The following ZC3HAV1 variants were observed in gnomAD, a reference collection of about 807,000 sequenced individuals.
ZC3HAV1 encodes zinc finger CCCH-type containing, antiviral 1.
In ZC3HAV1, 41 loss-of-function variants were observed where a neutral mutation model predicts 86.6. The observed-to-expected ratio is 0.47, with a 90% CI of 0.37 to 0.61. The LOEUF (loss-of-function observed/expected upper bound fraction) is 0.61. Ranked by LOEUF, ZC3HAV1 falls within the 20% of genes least tolerant of loss-of-function variation. The probability of loss-of-function intolerance (pLI) is 0.00; values close to 1 mark genes in which losing one functional copy is unlikely to be tolerated. For synonymous variants in ZC3HAV1, 421 were observed against 432.1 expected (o/e 0.97, Z 0.32); for missense variants, 964 against 1,141.1 (o/e 0.84, Z 2.24).
chr7:139,109,473 G>T lies in ZC3HAV1; in HGVS notation c.-142C>A. On this transcript the variant is annotated 5_prime_UTR_variant, in exon 1 of 13. Coordinates refer to ENST00000242351, the MANE Select transcript of ZC3HAV1 (RefSeq NM_020119.4). ...CGGAGTCAGCGAGGGCGCGCTCTCC[G>T]TCGCCGTTAGCCCAGCCCAGCGATC... 1.9e-6 allele frequency: 2 copies of T among 1,055,556 alleles called. No individual in the cohort carries two copies. The highest frequency in any genetic ancestry group is 2.6e-6 in the Non-Finnish European group (2 of 758,104). 65.4% of individuals were successfully genotyped at this position (1,055,556 alleles called of 1,614,324 possible).
At chr7:139,069,091 G>A (rs1816694823) in intron 7 of ZC3HAV1, among the ~76,000 whole-genome samples, 1 of 152,168 alleles carries the variant, frequency 6.6e-6, no homozygotes, top group Non-Finnish European at 1.5e-5. Flanking sequence ...TCATATCTGT[G>A]CTGAGCTGGC....
intron 1 of ZC3HAV1, among the ~76,000 whole-genome samples, chr7:139,097,428 A>ATATATATATATATTTTTTTTTTTTTTT: frequency 2.1e-5 from 1 of 48,158 alleles, no homozygotes; most frequent in African/African-American, 1.1e-4. Context: ...ATATATATAT[A>ATATATATATATATTTTTTTTTTTTTTT]TTTTTTTTTT....
At chr7:139,107,314 T>A (rs1254514030) in intron 1 of ZC3HAV1, among the ~76,000 whole-genome samples, 1 of 152,154 alleles carries the variant, frequency 6.6e-6, no homozygotes, top group South Asian at 2.1e-4. Flanking sequence ...TTAAAGAAAA[T>A]TTTAAATAAA....
At chr7:139,072,988 C>T (rs1193187638) in intron 7 of ZC3HAV1, among the ~76,000 whole-genome samples, 1 of 152,082 alleles carries the variant, frequency 6.6e-6, no homozygotes, top group Non-Finnish European at 1.5e-5. Flanking sequence ...ATGTCTCAAG[C>T]GGTTCCTTAA....
chr7:139,098,537 C>G (rs572136000), intron 1 of ZC3HAV1, among the ~76,000 whole-genome samples: 1 of 152,238 alleles, frequency 6.6e-6, no homozygotes, highest in East Asian at 1.9e-4. Flanking sequence ...AGTGGTGGTA[C>G]ACATCTGTAA....
chr7:139,098,267 T>C (rs1449162149), intron 1 of ZC3HAV1, among the ~76,000 whole-genome samples: 2 of 152,202 alleles, frequency 1.3e-5, no homozygotes, highest in Non-Finnish European at 2.9e-5. Flanking sequence ...GTACATTTTA[T>C]TGTATGTAAA....
intron 7 of ZC3HAV1, among the ~76,000 whole-genome samples, chr7:139,071,843 T>A (rs1042465402): frequency 3.3e-5 from 5 of 152,210 alleles, no homozygotes; most frequent in South Asian, 4.1e-4. Context: ...ATAAAATGTA[T>A]CTGCTGCTAA....
intron 9 of ZC3HAV1, among the ~76,000 whole-genome samples, chr7:139,056,795 C>A (rs540074251): frequency 3.3e-5 from 5 of 152,230 alleles, no homozygotes; most frequent in African/African-American, 9.6e-5. Flanking sequence ...CACAAATCAA[C>A]CAAACACAAT....
chr7:139,053,842 AG>A, intron 11 of ZC3HAV1, 122 bp downstream of exon 11: 4 of 1,298,948 alleles, frequency 3.1e-6, no homozygotes, highest in Non-Finnish European at 4.1e-6. Context: ...AAAAAAAAAA[AG>A]ACTAGCGCCT....
intron 1 of ZC3HAV1, among the ~76,000 whole-genome samples, chr7:139,091,315 T>G (rs1403734709): frequency 2.0e-5 from 3 of 152,084 alleles, no homozygotes; most frequent in Non-Finnish European, 2.9e-5. Flanking sequence ...TGGCTAACAC[T>G]GTGAAACCAC....
At position 139,054,146 on chromosome 7, in the gene ZC3HAV1, T is replaced by G. The variant is rs550313607; in HGVS notation, c.2188-51A>C. The G allele has an allele frequency of 3.1e-5, 46 of 1,507,622 alleles. 1 individual carries two copies. The South Asian group carries it at 5.7e-4, about 19-fold the overall frequency. 93.4% of individuals were successfully genotyped at this position (1,507,622 alleles called of 1,614,324 possible). On this transcript the variant is annotated intron_variant, in intron 10 of 12. Coordinates refer to ENST00000242351, the MANE Select transcript of ZC3HAV1 (RefSeq NM_020119.4). ...TGTGAAATAGGAAACATTTAAAGCA[T>G]GATACATCCACATATGTGCCCCCTT... is the stretch of plus-strand genomic sequence containing the variant.
intron 2 of ZC3HAV1, among the ~76,000 whole-genome samples, chr7:139,085,239 A>T (rs1321963170): frequency 1.3e-5 from 2 of 152,228 alleles, no homozygotes; most frequent in African/African-American, 4.8e-5. Flanking sequence ...CTGTAGCAAA[A>T]AAGCACCATT....
Position 139,047,779 on chromosome 7 carries a change from C to T in ZC3HAV1, c.2524G>A (p.Val842Ile), listed in dbSNP as rs777433113. 1.9e-6 allele frequency: 3 copies of T among 1,614,096 alleles called. No homozygotes were observed. The highest frequency in any genetic ancestry group is 2.5e-6 in the Non-Finnish European group (3 of 1,180,026). Reference protein sequence around the residue: ...PYDAKNVVMFVAQVLVGKFTE... With the variant: ...PYDAKNVVMFIAQVLVGKFTE... ...AACTTTCCAACCAGAACTTGGGCTACAAACATAACGACGTTTTTGGCATCA... is the reference window on the plus strand; with the variant it reads ...AACTTTCCAACCAGAACTTGGGCTATAAACATAACGACGTTTTTGGCATCA... Residue 842 changes from valine to isoleucine, a missense_variant, in exon 13 of 13, where the codon GTA becomes ATA. Physicochemically the swap from Val to Ile is conservative, Grantham distance 29. Transcript: ENST00000242351.
intron 7 of ZC3HAV1, among the ~76,000 whole-genome samples, chr7:139,067,100 G>T (rs374754574): frequency 6.6e-6 from 1 of 151,996 alleles, no homozygotes; most frequent in East Asian, 1.9e-4. Context: ...TGTTCTCTGC[G>T]CTGTCCTATA....
intron 1 of ZC3HAV1, among the ~76,000 whole-genome samples, chr7:139,103,143 C>T (rs965758503): frequency 1.3e-5 from 2 of 150,998 alleles, no homozygotes; most frequent in African/African-American, 4.8e-5. Flanking sequence ...TGGGATCAAA[C>T]AATCCTTCTG....
chr7:139,098,427 G>A (rs1327814644), intron 1 of ZC3HAV1, among the ~76,000 whole-genome samples: 6 of 152,036 alleles, frequency 3.9e-5, no homozygotes, highest in South Asian at 2.1e-4. Context: ...ATAGGCATGC[G>A]GGATCAAAAT....
chr7:139,098,433 A>T (rs1444079722), intron 1 of ZC3HAV1, among the ~76,000 whole-genome samples: 1 of 152,220 alleles, frequency 6.6e-6, no homozygotes, highest in Non-Finnish European at 1.5e-5. Context: ...ATGCGGGATC[A>T]AAATGTTAGG....
chr7:139,074,116 T>C, intron 6 of ZC3HAV1, 86 bp from the exon 7 acceptor site: 3 of 1,348,804 alleles, frequency 2.2e-6, no homozygotes, highest in Non-Finnish European at 2.0e-6. Flanking sequence ...GAGCACAGAA[T>C]TAAACTTTCA....
chr7:139,096,480 A>G (rs1352883744), intron 1 of ZC3HAV1, among the ~76,000 whole-genome samples: 1 of 152,186 alleles, frequency 6.6e-6, no homozygotes, highest in African/African-American at 2.4e-5. Flanking sequence ...GTATTTCAGG[A>G]TCCTGTGAGT....
Sources: allele counts gnomAD v4.1 joint callset (sites outside exome capture counted in the v4.1 genomes callset), GRCh38; gene constraint gnomAD v4.1.1; transcripts MANE v1.5; gene names NCBI Gene and HGNC (gene_info 2026-07-23, HGNC 2026-07-21).